The following CSMD1 variants were observed in gnomAD, a reference collection of about 807,000 sequenced individuals.
The protein encoded by CSMD1 is CUB and Sushi multiple domains 1, also known as CUB and sushi domain-containing protein 1.
In CSMD1, 213 loss-of-function variants were observed where a neutral mutation model predicts 417.5. The observed-to-expected ratio is 0.51, with a 90% confidence interval of 0.46 to 0.57. The LOEUF is 0.57. CSMD1 is among the 20% of genes least tolerant of loss of function. The probability of loss-of-function intolerance (pLI) is 0.00; values close to 1 mark genes in which losing one functional copy is unlikely to be tolerated. For missense variants in CSMD1, 6,923 were observed against 4,529.7 expected (o/e 1.53, Z -15.17); for synonymous variants, 2,862 against 1,736.8 (o/e 1.65, Z -16.11).
rs539475107 is a variant in CSMD1 at position 4,159,769 on chromosome 8, T to C, written c.416-127670A>G. Among the ~76,000 whole-genome samples, 44 of 152,268 alleles carry C rather than the reference T, an allele frequency of 2.9e-4. No homozygotes were observed. In the South Asian group the frequency reaches 8.1e-3, roughly 28 times the overall value. On this transcript the variant is annotated intron_variant, in intron 3 of 69. Coordinates refer to ENST00000635120, the MANE Select transcript of CSMD1 (RefSeq NM_033225.6). ...ACGCCCGGCTAATTTTTTATATTTT[T>C]AGTAGAGATGGGGTTTCACCGTGTT...
chr8:3,863,493 C>G (rs999354990), intron 5 of CSMD1, among the ~76,000 whole-genome samples: 1 of 151,786 alleles, frequency 6.6e-6, no homozygotes, highest in African/African-American at 2.4e-5. Context: ...CCTCTAAATA[C>G]GAACCACATC....
intron 10 of CSMD1, among the ~76,000 whole-genome samples, chr8:3,561,741 C>A (rs549451191): frequency 1.3e-4 from 19 of 151,716 alleles, no homozygotes; most frequent in African/African-American, 4.6e-4. Context: ...ATCCATGTGA[C>A]AAAACTGGAC....
At chr8:4,320,922 G>A (rs1799239678) in intron 3 of CSMD1, among the ~76,000 whole-genome samples, 1 of 151,984 alleles carries the variant, frequency 6.6e-6, no homozygotes. Flanking sequence ...CTTCTTCTTT[G>A]TATCCTCTCC....
rs541020399 is a variant in CSMD1, at chr8:4,310,355, C to G, written c.415+109598G>C. On this transcript the variant is annotated intron_variant, in intron 3 of 69. Coordinates refer to ENST00000635120, the MANE Select transcript of CSMD1 (RefSeq NM_033225.6). ...CACTGGAATGAATGGGTATCTTGGT[C>G]AAAGGGTTCACAGACAGTGTTTCTC... is the stretch of plus-strand genomic sequence containing the variant. Among the ~76,000 whole-genome samples, 8 of 152,202 alleles carry G rather than the reference C, an allele frequency of 5.3e-5. No homozygotes were observed. The South Asian group carries it at 6.2e-4, about 12-fold the overall frequency.
At chr8:3,940,392 G>C (rs975430344) in intron 5 of CSMD1, among the ~76,000 whole-genome samples, 1 of 151,756 alleles carries the variant, frequency 6.6e-6, no homozygotes, top group Non-Finnish European at 1.5e-5. Context: ...AAATTATATT[G>C]AAAATAATGA....
intron 8 of CSMD1, among the ~76,000 whole-genome samples, chr8:3,597,387 C>G (rs1486717777): frequency 6.6e-6 from 1 of 151,706 alleles, no homozygotes; most frequent in African/African-American, 2.4e-5. Flanking sequence ...GCCCCTAAAG[C>G]TGATTTCTAT....
chr8:3,517,908 C>T (rs1314658034), intron 10 of CSMD1, among the ~76,000 whole-genome samples: 8 of 152,250 alleles, frequency 5.3e-5, no homozygotes, highest in Non-Finnish European at 8.8e-5. Flanking sequence ...GTGAAGAGTT[C>T]GGGGCCTCCT....
intron 3 of CSMD1, among the ~76,000 whole-genome samples, chr8:4,191,332 C>T (rs931303009): frequency 6.6e-6 from 1 of 151,930 alleles, no homozygotes; most frequent in Non-Finnish European, 1.5e-5. Context: ...GGAGGCAGAG[C>T]CTGCAGTGAG....
chr8:3,825,309 C>T (rs574555150), intron 5 of CSMD1, among the ~76,000 whole-genome samples: 18 of 152,208 alleles, frequency 1.2e-4, no homozygotes, highest in Non-Finnish European at 2.1e-4. Context: ...ACAGGTGGAT[C>T]GCTGGATGTC....
chr8:4,913,643 G>C (rs576703211), intron 1 of CSMD1, among the ~76,000 whole-genome samples: 1 of 152,256 alleles, frequency 6.6e-6, no homozygotes, highest in East Asian at 1.9e-4. Context: ...ACTGAGTTCT[G>C]CGTCAACCAG....
chr8:4,069,038 C>G (rs1269333041), intron 3 of CSMD1, among the ~76,000 whole-genome samples: 1 of 152,130 alleles, frequency 6.6e-6, no homozygotes, highest in Non-Finnish European at 1.5e-5. Flanking sequence ...ATGTTTTATT[C>G]TTTCCTTCTA....
chr8:2,948,328 G>T (rs78991836), intron 68 of CSMD1, among the ~76,000 whole-genome samples: 1,549 of 151,874 alleles, frequency 0.01, 26 homozygotes, highest in African/African-American at 0.033. Context: ...AGAATATTGT[G>T]ACCCATCCTA....
chr8:4,045,237 G>A (rs58328772), intron 3 of CSMD1, among the ~76,000 whole-genome samples: 1 of 152,080 alleles, frequency 6.6e-6, no homozygotes, highest in Non-Finnish European at 1.5e-5. Context: ...CCATTAATGA[G>A]CTTAGGAGCA....
chr8:3,523,768 C>T (rs1797619788), intron 10 of CSMD1, among the ~76,000 whole-genome samples: 3 of 152,040 alleles, frequency 2.0e-5, no homozygotes, highest in South Asian at 2.1e-4. Flanking sequence ...CACACATGCA[C>T]ACACATGCAC....
chr8:3,903,143 G>C (rs997838266), intron 5 of CSMD1, among the ~76,000 whole-genome samples: 7 of 152,102 alleles, frequency 4.6e-5, no homozygotes, highest in African/African-American at 1.7e-4. Context: ...GGAGAAACCT[G>C]TATGAGCTCT....
intron 1 of CSMD1, among the ~76,000 whole-genome samples, chr8:4,746,010 C>G (rs768762614): frequency 1.4e-4 from 21 of 152,174 alleles, no homozygotes; most frequent in Non-Finnish European, 3.1e-4. Context: ...AAAAGAAAAT[C>G]TTCTAAACTG....
chr8:4,136,290 A>G (rs1364731324), intron 3 of CSMD1, among the ~76,000 whole-genome samples: 2 of 152,232 alleles, frequency 1.3e-5, no homozygotes, highest in East Asian at 3.9e-4. Context: ...CACAGGGACC[A>G]TCTTTTTTTA....
chr8:4,131,864 G>A (rs1402406141), intron 3 of CSMD1, among the ~76,000 whole-genome samples: 1 of 138,940 alleles, frequency 7.2e-6, no homozygotes, highest in Non-Finnish European at 1.5e-5. Flanking sequence ...CCAGGTTCAC[G>A]CCATTCTCCT....
intron 3 of CSMD1, among the ~76,000 whole-genome samples, chr8:4,341,339 C>T (rs952631382): frequency 6.6e-6 from 1 of 152,060 alleles, no homozygotes; most frequent in African/African-American, 2.4e-5. Context: ...AAGTTTTTCA[C>T]ATTGAATTCT....
Sources: allele counts gnomAD v4.1 joint callset (sites outside exome capture counted in the v4.1 genomes callset), GRCh38; gene constraint gnomAD v4.1.1; transcripts MANE v1.5; gene names NCBI Gene and HGNC (gene_info 2026-07-23, HGNC 2026-07-21).